ZNF385B: variants seen among roughly 807,000 people sequenced by gnomAD.
The protein encoded by ZNF385B is zinc finger protein 533.
A neutral mutation model predicts 39.2 loss-of-function variants in ZNF385B; 23 were observed. The ratio of observed to expected loss-of-function variants is 0.59; its 90% CI spans 0.42 to 0.83. ZNF385B has a LOEUF of 0.83. ZNF385B is among the 40% of genes least tolerant of loss of function. ZNF385B has a pLI of 0.00. For missense variants in ZNF385B, 552 were observed against 598.9 expected (o/e 0.92, Z 0.82); for synonymous variants, 205 against 222.6 (o/e 0.92, Z 0.70).
At chr2:179,798,214 A>G (rs529108964) in intron 1 of ZNF385B, among the ~76,000 whole-genome samples, 13 of 152,050 alleles carry the variant, frequency 8.5e-5, no homozygotes, top group African/African-American at 3.1e-4. Context: ...TGGACTCCTG[A>G]GACACAAATC....
intron 3 of ZNF385B, among the ~76,000 whole-genome samples, chr2:179,568,320 T>C (rs1684825600): frequency 6.6e-6 from 1 of 152,230 alleles, no homozygotes; most frequent in Non-Finnish European, 1.5e-5. Context: ...TACTTGTCTC[T>C]AAAATGATCA....
intron 3 of ZNF385B, among the ~76,000 whole-genome samples, chr2:179,736,349 C>T (rs1273425844): frequency 1.3e-5 from 2 of 151,556 alleles, no homozygotes; most frequent in African/African-American, 4.9e-5. Context: ...TTTTTTTTAG[C>T]TCTTATTTTG....
intron 3 of ZNF385B, among the ~76,000 whole-genome samples, chr2:179,550,684 C>T (rs2060507115): frequency 6.7e-6 from 1 of 149,512 alleles, no homozygotes; most frequent in African/African-American, 2.5e-5. Context: ...TACTGCTTCA[C>T]CAGGACTTAT....
intron 5 of ZNF385B, among the ~76,000 whole-genome samples, chr2:179,493,612 CGT>C (rs2055585315): frequency 3.5e-5 from 4 of 113,368 alleles, no homozygotes; most frequent in Admixed American, 1.1e-4. Flanking sequence ...CATATATGTA[CGT>C]ACATATATGT....
chr2:179,838,547 C>A (rs1256330013), intron 1 of ZNF385B, among the ~76,000 whole-genome samples: 3 of 152,292 alleles, frequency 2.0e-5, no homozygotes, highest in South Asian at 2.1e-4. Flanking sequence ...CATACAGCTC[C>A]TTCCCCTCTG....
chr2:179,727,216 T>C (rs1304174982), intron 3 of ZNF385B, among the ~76,000 whole-genome samples: 2 of 152,120 alleles, frequency 1.3e-5, no homozygotes, highest in Admixed American at 1.3e-4. Flanking sequence ...GACTTTATTA[T>C]TTTTATAAAC....
At chr2:179,715,542 T>C (rs548739061) in intron 3 of ZNF385B, among the ~76,000 whole-genome samples, 2 of 152,302 alleles carry the variant, frequency 1.3e-5, no homozygotes, top group South Asian at 4.1e-4. Flanking sequence ...TGTATGCTAA[T>C]GAATATCCCA....
intron 1 of ZNF385B, among the ~76,000 whole-genome samples, chr2:179,794,908 T>C (rs539709931): frequency 6.6e-6 from 1 of 152,180 alleles, no homozygotes; most frequent in Non-Finnish European, 1.5e-5. Flanking sequence ...ATCATCAGTG[T>C]AAAGATAGGA....
chr2:179,629,212 A>G (rs1261964957), intron 3 of ZNF385B, among the ~76,000 whole-genome samples: 1 of 152,192 alleles, frequency 6.6e-6, no homozygotes, highest in African/African-American at 2.4e-5. Flanking sequence ...GAAACTGATT[A>G]TGTCTAGGAG....
At chr2:179,493,463 A>G (rs186974004) in intron 5 of ZNF385B, among the ~76,000 whole-genome samples, 2 of 147,020 alleles carry the variant, frequency 1.4e-5, no homozygotes, top group South Asian at 2.2e-4. Context: ...ATGTGTGTAC[A>G]TATATGCATG....
rs568100415 is a variant in ZNF385B, at chr2:179,459,573, G to A, written c.716-12803C>T. 1.3e-3 allele frequency among the ~76,000 whole-genome samples: 190 copies of A among 144,910 alleles called. 1 individual carries two copies. The highest frequency in any genetic ancestry group is 2.0e-3 in the Non-Finnish European group (137 of 66,846). ...CTCAGTGGAATTAATCATCTAGTGG[G>A]GGAGAGAGAAAATAAGTGTGTGTGT... is the stretch of plus-strand genomic sequence containing the variant. On this transcript the variant is annotated intron_variant, in intron 6 of 9. Coordinates refer to ENST00000410066, the MANE Select transcript of ZNF385B (RefSeq NM_152520.6).
At chr2:179,696,128 G>A (rs1481130032) in intron 3 of ZNF385B, among the ~76,000 whole-genome samples, 2 of 152,040 alleles carry the variant, frequency 1.3e-5, no homozygotes, top group African/African-American at 2.4e-5. Flanking sequence ...TGGAGACAGG[G>A]GATAAGCAGG....
chr2:179,524,551 C>CAAAAAAAAAAAAAAAAAAAAAAAAAAAA (rs770219234), intron 4 of ZNF385B, among the ~76,000 whole-genome samples: 3 of 60,970 alleles, frequency 4.9e-5, no homozygotes, highest in African/African-American at 1.6e-4. Context: ...GACTCCGTCT[C>CAAAAAAAAAAAAAAAAAAAAAAAAAAAA]AAAAAAAAAA....
chr2:179,656,920 T>C (rs1285498836), intron 3 of ZNF385B, among the ~76,000 whole-genome samples: 3 of 152,202 alleles, frequency 2.0e-5, no homozygotes, highest in Admixed American at 6.5e-5. Context: ...TTGCTTACAA[T>C]TGTATGGGCT....
intron 3 of ZNF385B, among the ~76,000 whole-genome samples, chr2:179,600,139 C>T (rs1044549117): frequency 6.6e-6 from 1 of 152,162 alleles, no homozygotes; most frequent in Non-Finnish European, 1.5e-5. Flanking sequence ...TCAATTGTGC[C>T]AATCTTCCAG....
intron 3 of ZNF385B, among the ~76,000 whole-genome samples, chr2:179,545,180 G>T (rs1011176872): frequency 1.3e-5 from 2 of 152,186 alleles, no homozygotes; most frequent in African/African-American, 4.8e-5. Flanking sequence ...TTCCCTATGG[G>T]CAAGGGCTGA....
intron 1 of ZNF385B, among the ~76,000 whole-genome samples, chr2:179,796,571 T>TG (rs1705679059): frequency 6.6e-6 from 1 of 152,192 alleles, no homozygotes; most frequent in Non-Finnish European, 1.5e-5. Context: ...CCCCATCTTG[T>TG]GGGGAAGGGA....
At chr2:179,534,529 A>G (rs1359671787) in intron 4 of ZNF385B, among the ~76,000 whole-genome samples, 1 of 152,128 alleles carries the variant, frequency 6.6e-6, no homozygotes, top group Non-Finnish European at 1.5e-5. Context: ...TCAATTCCTC[A>G]TAAATATAAT....
chr2:179,791,463 T>C (rs970439617), intron 1 of ZNF385B, among the ~76,000 whole-genome samples: 21 of 152,222 alleles, frequency 1.4e-4, no homozygotes, highest in African/African-American at 5.1e-4. Context: ...AAAGTGTAAG[T>C]GGAGATTCTC....
Sources: allele counts gnomAD v4.1 joint callset (sites outside exome capture counted in the v4.1 genomes callset), GRCh38; gene constraint gnomAD v4.1.1; transcripts MANE v1.5; gene names NCBI Gene and HGNC (gene_info 2026-07-23, HGNC 2026-07-21).